The following MCTP1 variants were observed in gnomAD, a reference collection of about 807,000 sequenced individuals.
MCTP1 encodes multiple C2 and transmembrane domain-containing protein 1.
MCTP1 carries 69 observed loss-of-function variants against 120.6 expected under a neutral mutation model. The observed-to-expected ratio is 0.57, with a 90% confidence interval of 0.47 to 0.70. MCTP1 has a LOEUF of 0.70. MCTP1 is among the 30% of genes least tolerant of loss of function. The probability of loss-of-function intolerance (pLI) is 0.00; values close to 1 mark genes in which losing one functional copy is unlikely to be tolerated. For synonymous variants in MCTP1, 529 were observed against 493.1 expected, an observed-to-expected ratio of 1.07 and a Z score of -0.96; for missense variants, 1,203 against 1,248.8, an observed-to-expected ratio of 0.96 and a Z score of 0.55.
chr5:95,250,222 G>A (rs566913465), intron 1 of MCTP1, among the ~76,000 whole-genome samples: 102 of 152,240 alleles, frequency 6.7e-4, no homozygotes, highest in Non-Finnish European at 7.1e-4. Context: ...AGCCTGTTAC[G>A]AAATGTTGAG....
intron 19 of MCTP1, among the ~76,000 whole-genome samples, chr5:94,748,788 C>T (rs186770597): frequency 6.6e-6 from 1 of 152,212 alleles, no homozygotes; most frequent in Non-Finnish European, 1.5e-5. Context: ...ACATTTCCAG[C>T]TCTCTGTTGA....
chr5:94,876,536 C>A (rs986774578), intron 12 of MCTP1, among the ~76,000 whole-genome samples: 3 of 152,038 alleles, frequency 2.0e-5, no homozygotes, highest in Admixed American at 2.0e-4. Context: ...TTTTTGAGAG[C>A]CTAAATATAT....
intron 1 of MCTP1, among the ~76,000 whole-genome samples, chr5:95,110,058 G>A (rs1282735042): frequency 6.6e-6 from 1 of 151,788 alleles, no homozygotes; most frequent in Non-Finnish European, 1.5e-5. Context: ...ATACCCAGTT[G>A]GTGGGCATAA....
intron 1 of MCTP1, among the ~76,000 whole-genome samples, chr5:95,143,751 C>T (rs1760133799): frequency 6.6e-6 from 1 of 152,170 alleles, no homozygotes; most frequent in South Asian, 2.1e-4. Flanking sequence ...CTTTTTATGG[C>T]TGCATATTAT....
At chr5:95,116,616 T>G (rs1363037898) in intron 1 of MCTP1, among the ~76,000 whole-genome samples, 1 of 152,112 alleles carries the variant, frequency 6.6e-6, no homozygotes, top group Non-Finnish European at 1.5e-5. Context: ...AATCTATAAA[T>G]TACTTTGGGC....
chr5:95,183,798 T>C (rs945630038), intron 1 of MCTP1, among the ~76,000 whole-genome samples: 1 of 152,144 alleles, frequency 6.6e-6, no homozygotes, highest in Non-Finnish European at 1.5e-5. Context: ...TTCAGATCTA[T>C]TGGAATGGCT....
chr5:95,245,887 C>G (rs1485926350), intron 1 of MCTP1, among the ~76,000 whole-genome samples: 2 of 152,136 alleles, frequency 1.3e-5, no homozygotes, highest in Non-Finnish European at 2.9e-5. Context: ...GTCAAATTCA[C>G]CAAGGTTGAA....
intron 1 of MCTP1, among the ~76,000 whole-genome samples, chr5:95,207,755 T>C (rs895415230): frequency 1.3e-5 from 2 of 151,738 alleles, no homozygotes; most frequent in African/African-American, 4.8e-5. Context: ...AATACAAGAA[T>C]AAAAATGTGA....
At chr5:95,008,006 G>A (rs1038194542) in intron 2 of MCTP1, among the ~76,000 whole-genome samples, 1 of 152,052 alleles carries the variant, frequency 6.6e-6, no homozygotes, top group African/African-American at 2.4e-5. Flanking sequence ...CCTACATGAC[G>A]TAGCCTGAAT....
At chr5:95,104,945 C>A (rs2152378718) in intron 1 of MCTP1, among the ~76,000 whole-genome samples, 1 of 152,252 alleles carries the variant, frequency 6.6e-6, no homozygotes, top group African/African-American at 2.4e-5. Context: ...CTGAAATTCC[C>A]TAAGTTCTTC....
intron 19 of MCTP1, among the ~76,000 whole-genome samples, chr5:94,771,841 T>C (rs947826143): frequency 6.6e-6 from 1 of 152,232 alleles, no homozygotes; most frequent in African/African-American, 2.4e-5. Context: ...ATGTATTATC[T>C]TACCATTCCA....
chr5:94,977,973 T>A (rs1463792653), intron 2 of MCTP1, among the ~76,000 whole-genome samples: 2 of 152,018 alleles, frequency 1.3e-5, no homozygotes, highest in Non-Finnish European at 2.9e-5. Context: ...AAATCATATA[T>A]CAGATAAGGG....
At chr5:95,174,481 G>A (rs1025291787) in intron 1 of MCTP1, among the ~76,000 whole-genome samples, 1 of 152,074 alleles carries the variant, frequency 6.6e-6, no homozygotes, top group South Asian at 2.1e-4. Flanking sequence ...AATTCTAAAA[G>A]AAATTATTTC....
intron 3 of MCTP1, among the ~76,000 whole-genome samples, chr5:94,952,171 CAAAAAAAAAA>C (rs57358026): frequency 2.3e-5 from 2 of 87,888 alleles, no homozygotes; most frequent in African/African-American, 4.5e-5. Context: ...GACTTTGTCG[CAAAAAAAAAA>C]AAAAAAAAAA....
intron 1 of MCTP1, among the ~76,000 whole-genome samples, chr5:95,132,372 CAA>C (rs1562168693): frequency 1.3e-5 from 2 of 152,194 alleles, no homozygotes; most frequent in Non-Finnish European, 2.9e-5. Flanking sequence ...GAAGAATCAG[CAA>C]AGTGACACTT....
intron 18 of MCTP1, among the ~76,000 whole-genome samples, chr5:94,790,087 G>T (rs1391285945): frequency 1.3e-5 from 2 of 152,074 alleles, no homozygotes; most frequent in African/African-American, 2.4e-5. Context: ...GATTTTTATT[G>T]TTATGATTTC....
chr5:94,902,374 G>T (rs1372634080), intron 10 of MCTP1, among the ~76,000 whole-genome samples: 1 of 152,044 alleles, frequency 6.6e-6, no homozygotes. Context: ...ATTTATATCT[G>T]CTCTCTTTAA....
intron 1 of MCTP1, among the ~76,000 whole-genome samples, chr5:95,027,008 T>A (rs1470587027): frequency 6.6e-6 from 1 of 152,164 alleles, no homozygotes; most frequent in African/African-American, 2.4e-5. Context: ...ACCTGTACAG[T>A]GAAATATCCA....
intron 5 of MCTP1, among the ~76,000 whole-genome samples, chr5:94,938,597 C>CT (rs1251766871): frequency 1.3e-5 from 2 of 152,048 alleles, no homozygotes. Flanking sequence ...ATATGTACCT[C>CT]TTTTTCACAA....
Sources: allele counts gnomAD v4.1 joint callset (sites outside exome capture counted in the v4.1 genomes callset), GRCh38; gene constraint gnomAD v4.1.1; transcripts MANE v1.5; gene names NCBI Gene and HGNC (gene_info 2026-07-23, HGNC 2026-07-21).